TENM2: variants seen among roughly 807,000 people sequenced by gnomAD.
TENM2 encodes teneurin-2.
TENM2 carries 52 observed loss-of-function variants against 245.2 expected under a neutral mutation model. The observed-to-expected ratio is 0.21, with a 90% CI of 0.17 to 0.27. The LOEUF is 0.27. TENM2 is among the 10% of genes least tolerant of loss of function. The pLI is 1.00. For missense variants in TENM2, 3,046 were observed against 3,666.8 expected, an observed-to-expected ratio of 0.83 and a Z score of 4.37; for synonymous variants, 1,363 against 1,438.9, an observed-to-expected ratio of 0.95 and a Z score of 1.19.
chr5:167,220,784 C>A, the TENM2 span, among the ~76,000 whole-genome samples: 3 of 151,868 alleles, frequency 2.0e-5, no homozygotes, highest in Non-Finnish European at 4.4e-5. Context: ...TGAATAAGAA[C>A]CTCAGTCACA....
At chr5:167,255,360 C>CA in the TENM2 span, among the ~76,000 whole-genome samples, 2 of 152,004 alleles carry the variant, frequency 1.3e-5, no homozygotes, top group Admixed American at 6.6e-5. Flanking sequence ...TTTAATGTAT[C>CA]AAAAATTGCA....
chr5:167,002,393 G>T, the TENM2 span, among the ~76,000 whole-genome samples: 2 of 152,130 alleles, frequency 1.3e-5, no homozygotes, highest in African/African-American at 4.8e-5. Flanking sequence ...TCCAGCCTGG[G>T]TCACAGAGGA....
chr5:167,436,843 C>T (rs34515992), intron 2 of TENM2, among the ~76,000 whole-genome samples: 25,027 of 152,156 alleles, frequency 0.16, 2,223 homozygotes, highest in Middle Eastern at 0.24. Flanking sequence ...TGGTGTTGAG[C>T]CTGCAGGTGC....
At chr5:167,220,851 G>A in the TENM2 span, among the ~76,000 whole-genome samples, 514 of 151,266 alleles carry the variant, frequency 3.4e-3, 3 homozygotes, top group African/African-American at 0.012. Context: ...TTAAGACAGA[G>A]TCTCACTCTG....
chr5:168,084,571 A>G (rs1400745694), intron 7 of TENM2, among the ~76,000 whole-genome samples: 1 of 152,236 alleles, frequency 6.6e-6, no homozygotes, highest in Non-Finnish European at 1.5e-5. Flanking sequence ...AGGATTAACA[A>G]GAAGCAAGCA....
chr5:167,542,731 T>G (rs569285128), intron 2 of TENM2, among the ~76,000 whole-genome samples: 8 of 151,938 alleles, frequency 5.3e-5, no homozygotes, highest in South Asian at 2.1e-4. Flanking sequence ...TATTTTCTGG[T>G]TTTTTTTCTG....
the TENM2 span, among the ~76,000 whole-genome samples, chr5:167,096,863 A>G: frequency 5.9e-5 from 9 of 152,202 alleles, no homozygotes; most frequent in Non-Finnish European, 1.0e-4. Context: ...CGAAAGTCTC[A>G]TGCAACATGT....
chr5:168,193,797 G>A (rs1023334398), intron 14 of TENM2, among the ~76,000 whole-genome samples: 3 of 152,188 alleles, frequency 2.0e-5, no homozygotes, highest in Admixed American at 6.5e-5. Flanking sequence ...ATCTTAGTCC[G>A]AGCTAAGATA....
chr5:168,234,590 G>A (rs1380175010), intron 25 of TENM2, among the ~76,000 whole-genome samples: 1 of 152,150 alleles, frequency 6.6e-6, no homozygotes, highest in African/African-American at 2.4e-5. Context: ...CTGGCCCTGA[G>A]GATCTCTTGA....
At chr5:167,434,199 A>C (rs531234515) in intron 2 of TENM2, among the ~76,000 whole-genome samples, 2 of 152,072 alleles carry the variant, frequency 1.3e-5, no homozygotes, top group Admixed American at 1.3e-4. Flanking sequence ...AGATGGGCAA[A>C]TCATGAGGTC....
At chr5:166,984,207 T>A in the TENM2 span, among the ~76,000 whole-genome samples, 2 of 152,170 alleles carry the variant, frequency 1.3e-5, no homozygotes, top group Non-Finnish European at 2.9e-5. Flanking sequence ...TTCCAAAGAA[T>A]AAGTCATTTC....
At chr5:167,698,934 G>A (rs1194360036) in intron 2 of TENM2, among the ~76,000 whole-genome samples, 7 of 151,752 alleles carry the variant, frequency 4.6e-5, no homozygotes, top group Non-Finnish European at 4.4e-5. Flanking sequence ...TGCCTGCCTC[G>A]GCCTCCCTGA....
chr5:168,130,472 G>A (rs970280445), intron 12 of TENM2: 3 of 152,144 alleles, frequency 2.0e-5, no homozygotes, highest in African/African-American at 7.2e-5. Context: ...TTTGTATAGC[G>A]TGCAGTTTAC....
In TENM2 at chr5:167,461,817, T is replaced by C. The variant is rs1766310886; in HGVS notation, c.502+86344T>C. Among the ~76,000 whole-genome samples the C allele has an allele frequency of 2.0e-5, 3 of 152,228 alleles. No individual in the cohort carries two copies. In the South Asian group the frequency reaches 6.2e-4, roughly 31 times the overall value. ...TGGTAACATGATTCTAATTTATATATATTTTGTTTGCTTGTTTCACCTAAA... is the reference window on the plus strand; with the variant it reads ...TGGTAACATGATTCTAATTTATATACATTTTGTTTGCTTGTTTCACCTAAA... On this transcript the variant is annotated intron_variant, in intron 2 of 28. Coordinates refer to ENST00000518659, the Ensembl canonical transcript of TENM2.
chr5:167,590,214 T>C (rs1321040552), intron 2 of TENM2, among the ~76,000 whole-genome samples: 1 of 152,058 alleles, frequency 6.6e-6, no homozygotes, highest in Non-Finnish European at 1.5e-5. Flanking sequence ...GTTTTTCATA[T>C]GAAAATCAGT....
the TENM2 span, among the ~76,000 whole-genome samples, chr5:167,101,869 A>ATATAAATATATATATATATATATG: frequency 1.6e-5 from 2 of 125,754 alleles, no homozygotes; most frequent in South Asian, 5.5e-4. Flanking sequence ...ATATATATAT[A>ATATAAATATATATATATATATATG]TATATATGCA....
chr5:167,698,683 T>TG lies in TENM2; in HGVS notation c.503-177303_503-177302insG, dbSNP rs1454531180. ...GTGTGTTTTGTTTTGTTTTTTGTTT[T>TG]TTTTTTTTTTTTTTTTTTGAGACAT... is the stretch of plus-strand genomic sequence containing the variant. On this transcript the variant is annotated intron_variant, in intron 2 of 28. Transcript: ENST00000518659. Among the ~76,000 whole-genome samples the TG allele has an allele frequency of 9.0e-5, 12 of 132,768 alleles. No homozygotes were observed. The East Asian group carries it at 2.1e-3, about 23-fold the overall frequency. The allele number at this position is 132,768 out of a possible 152,430, so 87.1% of individuals were successfully genotyped here. A position where few individuals can be genotyped will look rare whatever the true frequency, so the allele number is the denominator to read the frequency against.
chr5:167,176,128 C>G, the TENM2 span, among the ~76,000 whole-genome samples: 2 of 152,214 alleles, frequency 1.3e-5, no homozygotes, highest in Non-Finnish European at 2.9e-5. Context: ...AACAGCAACT[C>G]CCTGATGATA....
At chr5:168,143,813 A>C (rs1755773465) in intron 12 of TENM2, among the ~76,000 whole-genome samples, 2 of 149,962 alleles carry the variant, frequency 1.3e-5, no homozygotes, top group African/African-American at 4.9e-5. Context: ...GTCTGAGCTA[A>C]TATTAACTAG....
Sources: allele counts gnomAD v4.1 joint callset (sites outside exome capture counted in the v4.1 genomes callset), GRCh38; gene constraint gnomAD v4.1.1; transcripts MANE v1.5; gene names NCBI Gene and HGNC (gene_info 2026-07-23, HGNC 2026-07-21).